Variants in STK33 observed in about 807,000 individuals in gnomAD.
The protein encoded by STK33 is serine/threonine kinase 33.
A neutral mutation model predicts 58.0 loss-of-function variants in STK33; 52 were observed. That is an observed-to-expected ratio of 0.90 (90% confidence interval 0.72 to 1.13). The LOEUF (loss-of-function observed/expected upper bound fraction) is 1.13. Ranked by LOEUF, STK33 falls within the 50% of genes most tolerant of loss-of-function variation. STK33 has a pLI of 0.00. For synonymous variants in STK33, 215 were observed against 200.1 expected (o/e 1.07, Z -0.63); for missense variants, 630 against 604.2 (o/e 1.04, Z -0.45).
chr11:8,478,760 A>T (rs1010806681), intron 2 of STK33, among the ~76,000 whole-genome samples: 1 of 152,016 alleles, frequency 6.6e-6, no homozygotes, highest in South Asian at 2.1e-4. Context: ...AAAAAAAAAA[A>T]CTTACGAATT....
At chr11:8,565,290 A>G (rs961786432) in intron 1 of STK33, among the ~76,000 whole-genome samples, 3 of 152,246 alleles carry the variant, frequency 2.0e-5, no homozygotes, top group Non-Finnish European at 4.4e-5. Flanking sequence ...TTTAACAAAA[A>G]TACCAACCCC....
the STK33 span, among the ~76,000 whole-genome samples, chr11:8,375,779 G>A: frequency 2.0e-5 from 3 of 152,086 alleles, no homozygotes; most frequent in East Asian, 5.8e-4. Flanking sequence ...TGTAAAGAAG[G>A]TGCCTTGCTT....
At chr11:8,481,477 CAG>C (rs1949795400) in intron 1 of STK33, among the ~76,000 whole-genome samples, 1 of 152,190 alleles carries the variant, frequency 6.6e-6, no homozygotes, top group Admixed American at 6.5e-5. Context: ...TTGATGGAAA[CAG>C]TGTTTTGGAG....
chr11:8,552,339 T>C (rs1173084491), intron 1 of STK33, among the ~76,000 whole-genome samples: 3 of 152,168 alleles, frequency 2.0e-5, no homozygotes, highest in Non-Finnish European at 4.4e-5. Flanking sequence ...TTTTTAAACA[T>C]TTCTAGTTGT....
chr11:8,535,174 C>A (rs1421959465), intron 1 of STK33, among the ~76,000 whole-genome samples: 1 of 152,100 alleles, frequency 6.6e-6, no homozygotes, highest in Non-Finnish European at 1.5e-5. Flanking sequence ...TTTTTCTAAG[C>A]CTCAGTATGA....
At chr11:8,506,169 A>G (rs776405124) in intron 1 of STK33, among the ~76,000 whole-genome samples, 1 of 152,104 alleles carries the variant, frequency 6.6e-6, no homozygotes, top group Non-Finnish European at 1.5e-5. Flanking sequence ...AATTCTTCCA[A>G]CTCAACATAA....
chr11:8,519,160 A>T (rs1227869356), intron 1 of STK33, among the ~76,000 whole-genome samples: 1 of 152,014 alleles, frequency 6.6e-6, no homozygotes, highest in South Asian at 2.1e-4. Flanking sequence ...CACAGTGCAA[A>T]CAAACTAGAA....
intron 6 of STK33, among the ~76,000 whole-genome samples, chr11:8,470,801 T>C (rs938462143): frequency 6.6e-6 from 1 of 152,170 alleles, no homozygotes; most frequent in African/African-American, 2.4e-5. Context: ...ACAACACTTA[T>C]TGCCATCTTA....
At chr11:8,434,705 C>T (rs1943850418) in intron 14 of STK33, among the ~76,000 whole-genome samples, 1 of 152,126 alleles carries the variant, frequency 6.6e-6, no homozygotes, top group Non-Finnish European at 1.5e-5. Context: ...AAACTCACAC[C>T]TGCATCTACC....
rs369280942 is a variant in STK33, at chr11:8,482,874, C to T, written c.-465-2260G>A. On this transcript the variant is annotated intron_variant, in intron 1 of 15. Coordinates refer to ENST00000687296, the MANE Select transcript of STK33 (RefSeq NM_001352389.2). ...CCTCCCGAGTAGCTGGGACTACAGG[C>T]GCCCACCACCACGCCCAGCTAATTT... is the stretch of plus-strand genomic sequence containing the variant. Among the ~76,000 whole-genome samples the T allele has an allele frequency of 5.9e-5, 9 of 151,930 alleles. No individual in the cohort carries two copies. The East Asian group carries it at 1.4e-3, about 23-fold the overall frequency.
downstream of STK33, among the ~76,000 whole-genome samples, chr11:8,390,659 G>A (rs1848608193): frequency 6.6e-6 from 1 of 152,190 alleles, no homozygotes. Flanking sequence ...CACCTCGATG[G>A]AGGGGCGTTA....
chr11:8,359,362 CTG>C, the STK33 span, among the ~76,000 whole-genome samples: 1 of 152,212 alleles, frequency 6.6e-6, no homozygotes, highest in Non-Finnish European at 1.5e-5. Context: ...CGTCATCACC[CTG>C]TGTTTTCAAA....
intron 1 of STK33, among the ~76,000 whole-genome samples, chr11:8,554,281 T>C (rs1956570634): frequency 6.7e-6 from 1 of 149,392 alleles, no homozygotes; most frequent in Non-Finnish European, 1.5e-5. Context: ...TAGCCAAGCA[T>C]GGTGGCATGC....
At chr11:8,566,153 T>C (rs1957430469) in intron 1 of STK33, among the ~76,000 whole-genome samples, 1 of 152,222 alleles carries the variant, frequency 6.6e-6, no homozygotes, top group Non-Finnish European at 1.5e-5. Context: ...GTTAAGACTC[T>C]AGTTAATTAA....
intron 1 of STK33, among the ~76,000 whole-genome samples, chr11:8,553,539 G>C (rs1329949119): frequency 6.6e-6 from 1 of 151,730 alleles, no homozygotes; most frequent in Admixed American, 6.6e-5. Context: ...GTTGTTATAC[G>C]CTATACGACT....
chr11:8,371,619 C>T, the STK33 span, among the ~76,000 whole-genome samples: 1 of 131,174 alleles, frequency 7.6e-6, no homozygotes. Flanking sequence ...CTTTCTCTTT[C>T]TTTTCCTTCC....
intron 11 of STK33, among the ~76,000 whole-genome samples, chr11:8,451,152 TA>T (rs1946226356): frequency 6.6e-6 from 1 of 152,212 alleles, no homozygotes; most frequent in South Asian, 2.1e-4. Context: ...GATCATTTTG[TA>T]AAAGAGTTTG....
At chr11:8,445,291 G>A (rs1050188221) in intron 11 of STK33, among the ~76,000 whole-genome samples, 4 of 152,162 alleles carry the variant, frequency 2.6e-5, no homozygotes, top group African/African-American at 9.7e-5. Flanking sequence ...TGAGACAATA[G>A]GGTTTTCTAG....
chr11:8,581,896 C>T (rs1173024900), intron 1 of STK33, among the ~76,000 whole-genome samples: 1 of 152,216 alleles, frequency 6.6e-6, no homozygotes, highest in Non-Finnish European at 1.5e-5. Flanking sequence ...TTTACCTCTA[C>T]ATCTATTACC....
Sources: gnomAD v4.1 joint callset for allele counts (sites outside exome capture counted in the v4.1 genomes callset) on GRCh38, gnomAD v4.1.1 for gene constraint, MANE v1.5 for transcripts, NCBI Gene and HGNC (gene_info 2026-07-23, HGNC 2026-07-21) for gene names.